DNAH3: variants seen among roughly 807,000 people sequenced by gnomAD.
DNAH3 encodes the protein axonemal beta dynein heavy chain 3.
DNAH3 carries 332 observed loss-of-function variants against 432.5 expected under a neutral mutation model. The observed-to-expected ratio is 0.77, with a 90% CI of 0.70 to 0.84. The LOEUF (loss-of-function observed/expected upper bound fraction) is 0.84. Ranked by LOEUF, DNAH3 falls within the 40% of genes least tolerant of loss-of-function variation. DNAH3 has a pLI of 0.00. For synonymous variants in DNAH3, 1,956 were observed against 1,900.2 expected, an observed-to-expected ratio of 1.03 and a Z score of -0.76; for missense variants, 4,861 against 5,114.0, an observed-to-expected ratio of 0.95 and a Z score of 1.51.
rs527682410 is a variant in DNAH3 at position 20,997,088 on chromosome 16, A to T, written c.6601+195T>A. On this transcript the variant is annotated intron_variant, in intron 44 of 61. Coordinates refer to ENST00000261383, the Ensembl canonical transcript of DNAH3. ...TAGGGCCTAGCCAAACACTCCTCAC[A>T]TCTTCTTGCCATCGTCCCCTTCTAT... 1.6e-4 allele frequency: 91 copies of T among 563,358 alleles called. No homozygotes were observed. In the African/African-American group the frequency reaches 1.6e-3, roughly 10 times the overall value. The allele number at this position is 563,358 out of a possible 1,614,324, so 34.9% of individuals were successfully genotyped here. A position where few individuals can be genotyped will look rare whatever the true frequency, so the allele number is the denominator to read the frequency against.
At chr16:20,938,503 C>T (rs542513990) in intron 59 of DNAH3, among the ~76,000 whole-genome samples, 2 of 152,000 alleles carry the variant, frequency 1.3e-5, no homozygotes, top group South Asian at 2.1e-4. Context: ...ACCTAAAGAC[C>T]TACTTGCAAA....
chr16:21,091,497 T>C (rs1447360887), intron 18 of DNAH3, among the ~76,000 whole-genome samples: 2 of 152,122 alleles, frequency 1.3e-5, no homozygotes, highest in Non-Finnish European at 2.9e-5. Context: ...CTTTCCAAGA[T>C]AGCATCAATG....
intron 11 of DNAH3, among the ~76,000 whole-genome samples, chr16:21,119,685 C>G (rs955881029): frequency 2.1e-4 from 32 of 151,954 alleles, no homozygotes; most frequent in Admixed American, 1.1e-3. Flanking sequence ...TAACCTCCGC[C>G]TCCTGGGTTC....
chr16:20,943,876 C>T (rs998094705), intron 58 of DNAH3, among the ~76,000 whole-genome samples: 3 of 151,832 alleles, frequency 2.0e-5, no homozygotes, highest in South Asian at 2.1e-4. Flanking sequence ...CCCAGCTACT[C>T]GGGAGGCTGA....
At chr16:21,069,347 A>C in intron 23 of DNAH3, 68 bp downstream of exon 23, 1 of 1,362,618 alleles carries the variant, frequency 7.3e-7, no homozygotes, top group Non-Finnish European at 1.0e-6. Context: ...AAGGAAGGTG[A>C]CTAGAATGCA....
chr16:21,021,939 C>T (rs567125622), intron 40 of DNAH3, 32 bp downstream of exon 40: 3 of 1,611,528 alleles, frequency 1.9e-6, no homozygotes, highest in South Asian at 1.1e-5. Context: ...ACCCACCCCC[C>T]ATGTGGCTTA....
chr16:21,018,083 A>G lies in DNAH3; in HGVS notation c.6022+1541T>C, dbSNP rs201419962. ...GCGTGCTTCTTATTACCTAGTGTTC[A>G]GTATTTGTTTATATATTTTTCCTTT... On this transcript the variant is annotated intron_variant, in intron 41 of 61. Transcript: ENST00000261383. Among the ~76,000 whole-genome samples, 46 of 152,224 alleles carry G rather than the reference A, an allele frequency of 3.0e-4. No individual in the cohort carries two copies. In the East Asian group the frequency reaches 6.2e-3, roughly 20 times the overall value.
chr16:21,037,746 T>C lies in DNAH3; in HGVS notation c.4950+15A>G, dbSNP rs1160331907. 1 of 1,613,134 alleles carries C rather than the reference T, an allele frequency of 6.2e-7. No individual in the cohort carries two copies. Among genetic ancestry groups the C allele is most frequent in the Non-Finnish European group, 8.5e-7 (1 of 1,179,224 alleles). ...GAGCCTTGGTCCTCGGCCAAGGTCCTGAACCGCTACATACCTGAAACAGAG... is the reference window on the plus strand; with the variant it reads ...GAGCCTTGGTCCTCGGCCAAGGTCCCGAACCGCTACATACCTGAAACAGAG... On this transcript the variant is annotated intron_variant, in intron 34 of 61. Transcript: ENST00000261383.
At chr16:20,964,654 C>T (rs759911638) in exon 53 of DNAH3, 28 of 1,614,008 alleles carry the variant, frequency 1.7e-5, no homozygotes, top group East Asian at 6.7e-5. Context: ...TAAGGCCCAG[C>T]GTCTGGAATT....
At chr16:20,998,673 A>G (rs1014514856) in intron 43 of DNAH3, among the ~76,000 whole-genome samples, 5 of 149,462 alleles carry the variant, frequency 3.3e-5, no homozygotes, top group African/African-American at 4.9e-5. Context: ...GAGGCACTCA[A>G]TGAAATGGGG....
chr16:20,981,602 G>C (rs2085900785), intron 49 of DNAH3, among the ~76,000 whole-genome samples: 1 of 152,140 alleles, frequency 6.6e-6, no homozygotes, highest in Non-Finnish European at 1.5e-5. Context: ...GCTCACACCT[G>C]TAATCTCAGC....
chr16:21,080,912 C>T (rs558369232), intron 20 of DNAH3, among the ~76,000 whole-genome samples: 2 of 151,444 alleles, frequency 1.3e-5, no homozygotes, highest in African/African-American at 4.8e-5. Flanking sequence ...GAAAAGACTT[C>T]TTTTTTTTTC....
intron 41 of DNAH3, among the ~76,000 whole-genome samples, chr16:21,009,413 T>G (rs890556559): frequency 1.4e-4 from 21 of 152,130 alleles, no homozygotes; most frequent in African/African-American, 4.3e-4. Flanking sequence ...TGTGATACGG[T>G]GGTATGAACA....
intron 37 of DNAH3, 40 bp downstream of exon 37, chr16:21,031,005 G>A: frequency 6.2e-7 from 1 of 1,604,820 alleles, no homozygotes; most frequent in Non-Finnish European, 8.5e-7. Context: ...AAGAGTTTAT[G>A]TCTCACTCAT....
chr16:21,114,717 C>T (rs960470332), intron 12 of DNAH3, among the ~76,000 whole-genome samples: 5 of 152,122 alleles, frequency 3.3e-5, no homozygotes, highest in Admixed American at 1.3e-4. Flanking sequence ...GTTAGAATGG[C>T]GATCATTAAA....
At chr16:21,049,718 G>T in intron 30 of DNAH3, 36 bp from the exon 31 acceptor site, 2 of 1,582,006 alleles carry the variant, frequency 1.3e-6, no homozygotes, top group East Asian at 4.5e-5. Flanking sequence ...CATTCAGGGT[G>T]GATTCCATCC....
chr16:21,004,436 C>T lies in DNAH3; in HGVS notation c.6023-1229G>A, dbSNP rs968795704. Among the ~76,000 whole-genome samples, 5 of 152,076 alleles carry T rather than the reference C, an allele frequency of 3.3e-5. No individual in the cohort carries two copies. In the East Asian group the frequency reaches 7.8e-4, roughly 24 times the overall value. On this transcript the variant is annotated intron_variant, in intron 41 of 61. Coordinates refer to ENST00000261383, the Ensembl canonical transcript of DNAH3. The stretch of plus-strand genomic sequence containing the variant: ...AGGCTGGAGTGCAGTGACATGATCT[C>T]GGCTCACTGCAACCTCCGCCTCCCG...
rs1447545466 is a variant in DNAH3, at chr16:21,081,179, A to C, written c.2969+457T>G. Among the ~76,000 whole-genome samples the C allele has an allele frequency of 2.6e-5, 4 of 152,084 alleles. No homozygotes were observed. In the East Asian group the frequency reaches 5.8e-4, roughly 22 times the overall value. On this transcript the variant is annotated intron_variant, in intron 20 of 61. Transcript: ENST00000261383. ...AGTGGTCCGCCTGCCTCGGCCCCCC[A>C]GAGTGCTGAAATTACAGGCATGAGC...
chr16:20,981,462 G>A lies in DNAH3; in HGVS notation c.7859+1259C>T, dbSNP rs576579492. ...ACAAACAGTGATTGAGCCTGGGTGC[G>A]GTGGCTCACGCCTGTAATCCCAGCA... On this transcript the variant is annotated intron_variant, in intron 49 of 61. Coordinates refer to ENST00000261383, the Ensembl canonical transcript of DNAH3. 4.6e-5 allele frequency among the ~76,000 whole-genome samples: 7 copies of A among 152,200 alleles called. 1 individual carries two copies. The South Asian group carries it at 1.2e-3, about 27-fold the overall frequency.
Sources: allele counts gnomAD v4.1 joint callset (sites outside exome capture counted in the v4.1 genomes callset), GRCh38; gene constraint gnomAD v4.1.1; transcripts MANE v1.5; gene names NCBI Gene and HGNC (gene_info 2026-07-23, HGNC 2026-07-21).